ATP10B: variants seen among roughly 807,000 people sequenced by gnomAD.
The protein encoded by ATP10B is phospholipid-transporting ATPase VB.
ATP10B carries 122 observed loss-of-function variants against 141.2 expected under a neutral mutation model. The observed-to-expected ratio is 0.86, with a 90% CI of 0.75 to 1.00. The LOEUF (loss-of-function observed/expected upper bound fraction) is 1.00. Ranked by LOEUF, ATP10B falls within the 50% of genes least tolerant of loss-of-function variation. The pLI is 0.00. For missense variants in ATP10B, 1,876 were observed against 1,825.3 expected (o/e 1.03, Z -0.51); for synonymous variants, 685 against 692.0 (o/e 0.99, Z 0.16).
At chr5:160,774,357 G>A (rs1249162255) in intron 2 of ATP10B, among the ~76,000 whole-genome samples, 1 of 152,188 alleles carries the variant, frequency 6.6e-6, no homozygotes, top group South Asian at 2.1e-4. Context: ...AAGAACCAGG[G>A]ATATCCAGGG....
In ATP10B at chr5:160,564,435, C is replaced by T. The variant is rs1754422939; in HGVS notation, c.*1018G>A. 6.6e-6 allele frequency: 1 copy of T among 152,032 alleles called. No homozygotes were observed. Among genetic ancestry groups the T allele is most frequent in the African/African-American group, 2.4e-5 (1 of 41,396 alleles). The allele number at this position is 152,032 out of a possible 1,614,324, so 9.4% of individuals were successfully genotyped here. A position where few individuals can be genotyped will look rare whatever the true frequency, so the allele number is the denominator to read the frequency against. On this transcript the variant is annotated 3_prime_UTR_variant, in exon 26 of 26. Transcript: ENST00000327245. ...TCTAACTGATGCAGGCCAGTGTCTT[C>T]CAGAGGCTGGAAGGGGGTTTCAGCC...
chr5:160,592,871 T>C (rs537085161), intron 22 of ATP10B, among the ~76,000 whole-genome samples: 4,173 of 152,314 alleles, frequency 0.027, 86 homozygotes, highest in Middle Eastern at 0.068. Flanking sequence ...GAGGGGCGCC[T>C]GCCATTGCCC....
chr5:160,791,734 T>G (rs1182045734), intron 1 of ATP10B, among the ~76,000 whole-genome samples: 1 of 152,158 alleles, frequency 6.6e-6, no homozygotes, highest in Non-Finnish European at 1.5e-5. Flanking sequence ...TCTACCTCAT[T>G]GGCCAAAACT....
At chr5:160,872,348 G>C in the ATP10B span, among the ~76,000 whole-genome samples, 1 of 152,144 alleles carries the variant, frequency 6.6e-6, no homozygotes, top group Non-Finnish European at 1.5e-5. Context: ...TCTGCTGACT[G>C]TTCCTTTTGC....
intron 7 of ATP10B, among the ~76,000 whole-genome samples, chr5:160,659,341 T>C (rs1021544231): frequency 6.6e-6 from 1 of 152,072 alleles, no homozygotes; most frequent in Non-Finnish European, 1.5e-5. Flanking sequence ...AGTGGGCACC[T>C]GTAATCCCAG....
chr5:160,887,965 T>C, the ATP10B span, among the ~76,000 whole-genome samples: 1 of 152,228 alleles, frequency 6.6e-6, no homozygotes, highest in Non-Finnish European at 1.5e-5. Flanking sequence ...TTGTCTTTGG[T>C]TCACTGCAAA....
intron 2 of ATP10B, among the ~76,000 whole-genome samples, chr5:160,718,990 A>G (rs1308112217): frequency 6.6e-6 from 1 of 152,246 alleles, no homozygotes; most frequent in Admixed American, 6.5e-5. Context: ...CAAAGGAATA[A>G]GTAAACTCAA....
intron 1 of ATP10B, among the ~76,000 whole-genome samples, chr5:160,813,638 G>A (rs978836588): frequency 1.3e-5 from 2 of 152,290 alleles, no homozygotes; most frequent in Admixed American, 1.3e-4. Context: ...GAGAGTAGTT[G>A]TTCTCCCAGC....
intron 22 of ATP10B, among the ~76,000 whole-genome samples, chr5:160,596,904 A>G (rs1043691988): frequency 8.5e-5 from 13 of 152,240 alleles, no homozygotes; most frequent in African/African-American, 3.1e-4. Context: ...GGATACAAAG[A>G]AGTGGAAGAA....
chr5:160,708,415 T>C (rs1334106773), intron 3 of ATP10B, among the ~76,000 whole-genome samples: 1 of 152,218 alleles, frequency 6.6e-6, no homozygotes, highest in African/African-American at 2.4e-5. Flanking sequence ...ATTTCAATTT[T>C]CTCAATCTTT....
chr5:160,591,663 G>A (rs1170803587), intron 22 of ATP10B, among the ~76,000 whole-genome samples: 3 of 152,188 alleles, frequency 2.0e-5, no homozygotes, highest in East Asian at 3.9e-4. Context: ...GGCATCAGCG[G>A]CTCCAGAAAC....
rs571308932 is a variant in ATP10B, at chr5:160,622,534, C to T, written c.1672G>A (p.Ala558Thr). The T allele has an allele frequency of 1.5e-5, 25 of 1,614,062 alleles. No homozygotes were observed. In the East Asian group the frequency reaches 4.7e-4, roughly 30 times the overall value. The change falls in exon 14 of 26, where the codon GCC (alanine) becomes ACC (threonine). Residue 558 changes from alanine (A) to threonine (T), a missense_variant. By Grantham distance (58) the Ala-to-Thr change is moderately conservative. Transcript: ENST00000327245. ...TCTGACAAGGTCTCCAACCACAGGG[C>T]AGCATCTCGAACCTTGGTCAGTAGG... Reference protein sequence around the residue: ...KNLLTKVRDAALWLETLSDSR... With the variant: ...KNLLTKVRDATLWLETLSDSR...
chr5:160,695,582 T>C (rs1308743729), intron 3 of ATP10B, among the ~76,000 whole-genome samples: 4 of 152,136 alleles, frequency 2.6e-5, no homozygotes, highest in African/African-American at 9.7e-5. Context: ...GCAAGTCTTC[T>C]GTGGCTACAG....
At chr5:160,803,863 T>C (rs1772577800) in intron 1 of ATP10B, among the ~76,000 whole-genome samples, 1 of 152,144 alleles carries the variant, frequency 6.6e-6, no homozygotes, top group Non-Finnish European at 1.5e-5. Flanking sequence ...TTGTTATTTA[T>C]TTAACTGGTA....
chr5:160,591,513 TTTGCTACTG>T (rs1756292294), intron 22 of ATP10B, among the ~76,000 whole-genome samples: 2 of 152,334 alleles, frequency 1.3e-5, no homozygotes, highest in South Asian at 2.1e-4. Flanking sequence ...CATTAGTTCT[TTTGCTACTG>T]TTGCTACAAA....
At chr5:160,921,486 CTT>C in the ATP10B span, among the ~76,000 whole-genome samples, 1 of 152,208 alleles carries the variant, frequency 6.6e-6, no homozygotes, top group Non-Finnish European at 1.5e-5. Context: ...CAATCTGAAA[CTT>C]TGCACTCAAT....
chr5:160,688,216 C>T (rs898090548), intron 4 of ATP10B, 122 bp from the exon 5 acceptor site: 1 of 1,037,406 alleles, frequency 9.6e-7, no homozygotes, highest in African/African-American at 1.6e-5. Context: ...CTTTGACCTA[C>T]TTCCTTGTAA....
At chr5:160,890,994 T>C in the ATP10B span, among the ~76,000 whole-genome samples, 1 of 115,796 alleles carries the variant, frequency 8.6e-6, no homozygotes, top group East Asian at 2.9e-4. Flanking sequence ...TTTACGTGTA[T>C]GTGTGTGCGT....
At chr5:160,707,896 T>C (rs1006250077) in intron 3 of ATP10B, among the ~76,000 whole-genome samples, 2 of 152,172 alleles carry the variant, frequency 1.3e-5, no homozygotes, top group African/African-American at 4.8e-5. Context: ...AATCAGACAC[T>C]ACAAGCTTGA....
Sources: allele counts gnomAD v4.1 joint callset (sites outside exome capture counted in the v4.1 genomes callset), GRCh38; gene constraint gnomAD v4.1.1; transcripts MANE v1.5; gene names NCBI Gene and HGNC (gene_info 2026-07-23, HGNC 2026-07-21).